RNASE7: variants seen among roughly 807,000 people sequenced by gnomAD.
The protein encoded by RNASE7 is ribonuclease A family member 7, also known as ribonuclease 7.
For synonymous variants in RNASE7, 80 were observed against 77.5 expected (o/e 1.03, Z -0.17); for missense variants, 184 against 191.5 (o/e 0.96, Z 0.23).
chr14:21,043,411 AG>A lies in RNASE7; in HGVS notation c.421del (p.Asp141ThrfsTer62), dbSNP rs372462945. 1.3e-5 allele frequency: 21 copies of A among 1,611,314 alleles called. No individual in the cohort carries two copies. The African/African-American group carries it at 1.6e-4, about 12-fold the overall frequency. ...GTGGCCTGTAAGCCTCCCCAGAAAA[AG>A]GACTCTCAGCAATTCCACCTGGTTC... The part of the protein sequence containing the change: ...YVVACKPPQK[K>X]DSQQFHLVPV... On this transcript the variant is annotated frameshift_variant, in exon 2 of 2. Coordinates refer to ENST00000298690, the MANE Select transcript of RNASE7 (RefSeq NM_032572.4). LOFTEE classifies it low-confidence loss of function (END_TRUNC).
Position 21,043,448 on chromosome 14 carries a change from GGACA to G in RNASE7, c.459_462del (p.Asp153GlufsTer49). On this transcript the variant is annotated frameshift_variant, in exon 2 of 2. Transcript: ENST00000298690. LOFTEE classifies it high-confidence loss of function. ...AATTCCACCTGGTTCCTGTACACTT[GGACA>G]GAGTCCTTTAGGTTTCCAGACTGGC... 1 of 1,595,124 alleles carries G rather than the reference GGACA, an allele frequency of 6.3e-7. No homozygotes were observed. Among genetic ancestry groups the G allele is most frequent in the Non-Finnish European group, 8.5e-7 (1 of 1,172,534 alleles).
At chr14:21,042,923 T>C (rs974536933) in intron 1 of RNASE7, 30 bp from the exon 2 acceptor site, 1 of 1,360,196 alleles carries the variant, frequency 7.4e-7, no homozygotes, top group East Asian at 2.4e-5. Context: ...ATAAGAGGAC[T>C]AATTTCTCAA....
At chr14:21,042,880 A>G in intron 1 of RNASE7, 73 bp from the exon 2 acceptor site, 1 of 855,286 alleles carries the variant, frequency 1.2e-6, no homozygotes, top group Non-Finnish European at 1.8e-6. Flanking sequence ...ACAACCGAGT[A>G]GGGAGATGGG....
chr14:21,043,292 C>T lies in RNASE7; in HGVS notation c.300C>T (p.Ser100=). ...CKNGDKNCHQ[S]HGAVSLTMCK... is the part of the protein sequence containing the mutation. ...ATGGCGATAAAAACTGCCACCAGAG[C>T]CACGGGGCCGTGTCCCTGACCATGT... is the stretch of plus-strand genomic sequence containing the variant. Residue 100 remains serine (S), a synonymous_variant, in exon 2 of 2, where the codon AGC becomes AGT. Coordinates refer to ENST00000298690, the MANE Select transcript of RNASE7 (RefSeq NM_032572.4). 6.2e-7 allele frequency: 1 copy of T among 1,614,226 alleles called. No individual in the cohort carries two copies.
At position 21,043,462 on chromosome 14, in the gene RNASE7, A is replaced by G. The variant is rs760006640; in HGVS notation, c.470A>G (p.Ter157TrpextTer51). The G allele has an allele frequency of 6.3e-7, 1 of 1,578,210 alleles. No individual in the cohort carries two copies. The highest frequency in any genetic ancestry group is 8.6e-7 in the Non-Finnish European group (1 of 1,164,886). The change falls in exon 2 of 2, where the codon TAG becomes TGG. Residue 157 changes from the stop codon to tryptophan, a stop_lost. Transcript: ENST00000298690. ...LVPVHLDRVL[*>W] ...CCTGTACACTTGGACAGAGTCCTTT[A>G]GGTTTCCAGACTGGCTTGCTCTTTG...
intron 1 of RNASE7, 59 bp from the exon 2 acceptor site, chr14:21,042,894 C>G: frequency 1.0e-6 from 1 of 986,804 alleles, no homozygotes; most frequent in Non-Finnish European, 1.5e-6. Context: ...AGATGGGTGA[C>G]TAGCTCATAT....
At position 21,043,005 on chromosome 14, in the gene RNASE7, A is replaced by G. The variant is rs1250673508; in HGVS notation, c.13A>G (p.Arg5Gly). The G allele has an allele frequency of 6.8e-6, 11 of 1,613,488 alleles. No individual in the cohort carries two copies. The Middle Eastern group carries it at 5.0e-4, about 73-fold the overall frequency. Residue 5 changes from arginine to glycine, a missense_variant, in exon 2 of 2, where the codon AGA becomes GGA. Coordinates refer to ENST00000298690, the MANE Select transcript of RNASE7 (RefSeq NM_032572.4). ...CCTCCTAAGAGAGATGGCACCGGCCAGAGCAGGATTCTGCCCCCTTCTGCT... is the reference window on the plus strand; with the variant it reads ...CCTCCTAAGAGAGATGGCACCGGCCGGAGCAGGATTCTGCCCCCTTCTGCT... MAPA[R>G]AGFCPLLLLL...
At position 21,043,319 on chromosome 14, in the gene RNASE7, T is replaced by G. The variant is rs769882158; in HGVS notation, c.327T>G (p.Cys109Trp). Residue 109 changes from cysteine (C) to tryptophan (W), a missense_variant, in exon 2 of 2, where the codon TGT becomes TGG. Physicochemically the swap from Cys to Trp is radical, Grantham distance 215 (BLOSUM62 -2). Transcript: ENST00000298690. The part of the protein sequence containing the change: ...QSHGAVSLTM[C>W]KLTSGKHPNC... Reference sequence around the variant, plus strand: ...ACGGGGCCGTGTCCCTGACCATGTGTAAGCTCACCTCAGGGAAGCATCCGA... The same window carrying G: ...ACGGGGCCGTGTCCCTGACCATGTGGAAGCTCACCTCAGGGAAGCATCCGA... 1 of 1,614,144 alleles carries G rather than the reference T, an allele frequency of 6.2e-7. No individual in the cohort carries two copies. Among genetic ancestry groups the G allele is most frequent in the Non-Finnish European group, 8.5e-7 (1 of 1,180,030 alleles).
At position 21,042,989 on chromosome 14, in the gene RNASE7, A is replaced by C; in HGVS notation, c.-4A>C. ...CTCCATCCTGACTGCTCCTCCTAAG[A>C]GAGATGGCACCGGCCAGAGCAGGAT... On this transcript the variant is annotated 5_prime_UTR_variant, in exon 2 of 2. Transcript: ENST00000298690. 1 of 1,610,890 alleles carries C rather than the reference A, an allele frequency of 6.2e-7. No homozygotes were observed. The highest frequency in any genetic ancestry group is 8.5e-7 in the Non-Finnish European group (1 of 1,178,258).
At position 21,043,467 on chromosome 14, in the gene RNASE7, T is replaced by A. The variant is rs1274104022; in HGVS notation, c.*4T>A. 1 of 1,572,500 alleles carries A rather than the reference T, an allele frequency of 6.4e-7. No individual in the cohort carries two copies. Among genetic ancestry groups the A allele is most frequent in the South Asian group, 1.2e-5 (1 of 83,062 alleles). ...ACACTTGGACAGAGTCCTTTAGGTT[T>A]CCAGACTGGCTTGCTCTTTGGCTGA... On this transcript the variant is annotated 3_prime_UTR_variant, in exon 2 of 2. Transcript: ENST00000298690.
In RNASE7 at chr14:21,043,383, G is replaced by A. The variant is rs371662364; in HGVS notation, c.391G>A (p.Val131Ile). The part of the protein sequence containing the change: ...YKEKRQNKSY[V>I]VACKPPQKKD... ...AGAGAAGCGACAGAACAAGTCTTAC[G>A]TAGTGGCCTGTAAGCCTCCCCAGAA... Residue 131 changes from valine to isoleucine, a missense_variant, in exon 2 of 2, where the codon GTA (valine) becomes ATA (isoleucine). Physicochemically the swap from Val to Ile is conservative, Grantham distance 29. Coordinates refer to ENST00000298690, the MANE Select transcript of RNASE7 (RefSeq NM_032572.4). 2.4e-5 allele frequency: 39 copies of A among 1,614,080 alleles called. No homozygotes were observed. The highest frequency in any genetic ancestry group is 4.5e-5 in the East Asian group (2 of 44,876).
In RNASE7 at chr14:21,043,596, C is replaced by T. The variant is rs575370435; in HGVS notation, c.*133C>T. ...TCCTGGTTCAGCCTCTGCTGGGAGG[C>T]TGAAGCTGACACTCTGGTGAGCTGA... On this transcript the variant is annotated 3_prime_UTR_variant, in exon 2 of 2. Transcript: ENST00000298690. The T allele has an allele frequency of 1.7e-5, 11 of 662,122 alleles. No individual in the cohort carries two copies. The highest frequency in any genetic ancestry group is 4.1e-4 in the Middle Eastern group (1 of 2,410). The allele number at this position is 662,122 out of a possible 1,614,324, so 41.0% of individuals were successfully genotyped here. A position where few individuals can be genotyped will look rare whatever the true frequency, so the allele number is the denominator to read the frequency against.
rs1885030433 is a variant in RNASE7, at chr14:21,043,971, A to G, written c.*508A>G. 5.9e-6 allele frequency: 1 copy of G among 170,052 alleles called. No individual in the cohort carries two copies. Among genetic ancestry groups the G allele is most frequent in the Non-Finnish European group, 1.4e-5 (1 of 69,998 alleles). 10.5% of individuals were successfully genotyped at this position (170,052 alleles called of 1,614,324 possible). On this transcript the variant is annotated 3_prime_UTR_variant, in exon 2 of 2. Transcript: ENST00000298690. ...TTGACAGGGATTGTATGCCTTCTTT[A>G]TGGATGAGGAAATTAAGGTTTTAGA...
chr14:21,042,920 G>A, intron 1 of RNASE7, 33 bp from the exon 2 acceptor site: 1 of 1,302,610 alleles, frequency 7.7e-7, no homozygotes, highest in Non-Finnish European at 1.1e-6. Context: ...GGTATAAGAG[G>A]ACTAATTTCT....
chr14:21,043,941 T>C lies in RNASE7; in HGVS notation c.*478T>C, dbSNP rs1885029417. On this transcript the variant is annotated 3_prime_UTR_variant, in exon 2 of 2. Transcript: ENST00000298690. ...TAGAATCCTCTAATCCCTTGTGACA[T>C]AGACTTGACAGGGATTGTATGCCTT... is the stretch of plus-strand genomic sequence containing the variant. The C allele has an allele frequency of 1.2e-5, 2 of 172,438 alleles. No individual in the cohort carries two copies. Among genetic ancestry groups the C allele is most frequent in the East Asian group, 1.9e-4 (1 of 5,230 alleles). 10.7% of individuals were successfully genotyped at this position (172,438 alleles called of 1,614,324 possible).
chr14:21,043,437 C>T lies in RNASE7; in HGVS notation c.445C>T (p.Pro149Ser), dbSNP rs1409975858. The T allele has an allele frequency of 3.1e-6, 5 of 1,604,294 alleles. No individual in the cohort carries two copies. The East Asian group carries it at 1.1e-4, about 36-fold the overall frequency. Reference protein sequence around the residue: ...KKDSQQFHLVPVHLDRVL With the variant: ...KKDSQQFHLVSVHLDRVL ...GGACTCTCAGCAATTCCACCTGGTT[C>T]CTGTACACTTGGACAGAGTCCTTTA... The change falls in exon 2 of 2, where the codon CCT becomes TCT. Residue 149 changes from proline (P) to serine (S), a missense_variant. Pro to Ser is a moderately conservative substitution (Grantham distance 74). Transcript: ENST00000298690.
rs1885029566 is a variant in RNASE7, at chr14:21,043,942, A to G, written c.*479A>G. The G allele has an allele frequency of 5.8e-6, 1 of 172,384 alleles. No homozygotes were observed. The highest frequency in any genetic ancestry group is 1.9e-4 in the South Asian group (1 of 5,356). The allele number at this position is 172,384 out of a possible 1,614,324, so 10.7% of individuals were successfully genotyped here. A position where few individuals can be genotyped will look rare whatever the true frequency, so the allele number is the denominator to read the frequency against. ...AGAATCCTCTAATCCCTTGTGACAT[A>G]GACTTGACAGGGATTGTATGCCTTC... On this transcript the variant is annotated 3_prime_UTR_variant, in exon 2 of 2. Coordinates refer to ENST00000298690, the MANE Select transcript of RNASE7 (RefSeq NM_032572.4).
In RNASE7 at chr14:21,043,379, T is replaced by C; in HGVS notation, c.387T>C (p.Ser129=). 1.2e-6 allele frequency: 2 copies of C among 1,614,126 alleles called. No homozygotes were observed. The highest frequency in any genetic ancestry group is 2.2e-5 in the South Asian group (2 of 91,072). ...ACAAAGAGAAGCGACAGAACAAGTC[T>C]TACGTAGTGGCCTGTAAGCCTCCCC... ...CRYKEKRQNK[S]YVVACKPPQK... is the part of the protein sequence containing the mutation. Residue 129 remains serine (S), a synonymous_variant, in exon 2 of 2, where the codon TCT becomes TCC. Transcript: ENST00000298690.
chr14:21,043,652 T>C lies in RNASE7; in HGVS notation c.*189T>C. The C allele has an allele frequency of 1.7e-6, 1 of 572,142 alleles. No homozygotes were observed. Among genetic ancestry groups the C allele is most frequent in the Non-Finnish European group, 3.1e-6 (1 of 318,584 alleles). The allele number at this position is 572,142 out of a possible 1,614,324, so 35.4% of individuals were successfully genotyped here. Reference sequence around the variant, plus strand: ...AGAGGGATGGCTTTTCATCTTTTTGTTGCTGTTTTCCCAGATGCTTATCCC... The same window carrying C: ...AGAGGGATGGCTTTTCATCTTTTTGCTGCTGTTTTCCCAGATGCTTATCCC... On this transcript the variant is annotated 3_prime_UTR_variant, in exon 2 of 2. Coordinates refer to ENST00000298690, the MANE Select transcript of RNASE7 (RefSeq NM_032572.4).
Sources: allele counts gnomAD v4.1 joint callset, GRCh38; gene constraint gnomAD v4.1.1; transcripts MANE v1.5; gene names NCBI Gene and HGNC (gene_info 2026-07-23, HGNC 2026-07-21).